Variants in GALC observed in about 807,000 individuals in gnomAD.
The protein encoded by GALC is galactosylceramidase, also known as galactocerebrosidase.
A neutral mutation model predicts 91.8 loss-of-function variants in GALC; 77 were observed. That is an observed-to-expected ratio of 0.84 (90% CI 0.70 to 1.01). The LOEUF is 1.01. Among genes scored for constraint, GALC ranks in the 50% least tolerant of loss-of-function variants. GALC has a pLI of 0.00. For missense variants in GALC, 882 were observed against 855.9 expected, an observed-to-expected ratio of 1.03 and a Z score of -0.38; for synonymous variants, 357 against 306.7, an observed-to-expected ratio of 1.16 and a Z score of -1.71.
At chr14:87,982,284 C>T (rs1886783665) in intron 5 of GALC, 41 bp from the exon 6 acceptor site, 2 of 1,373,048 alleles carry the variant, frequency 1.5e-6, no homozygotes, top group Non-Finnish European at 2.1e-6. Context: ...TTGAAAGTTA[C>T]AAAATGTCAG....
chr14:87,948,359 CT>C (rs1244112122), intron 12 of GALC, among the ~76,000 whole-genome samples: 1 of 152,038 alleles, frequency 6.6e-6, no homozygotes, highest in African/African-American at 2.4e-5. Flanking sequence ...TATATTTCAA[CT>C]AGCAAGTTAG....
chr14:87,986,947 TC>T (rs1567012937), intron 3 of GALC: 1 of 439,042 alleles, frequency 2.3e-6, no homozygotes, highest in Non-Finnish European at 4.4e-6. Context: ...AATCCCCATG[TC>T]CAACTTTAAG....
Position 87,941,531 on chromosome 14 carries a change from T to A in GALC, c.1698A>T (p.Val566=), listed in dbSNP as rs421466. The A allele has an allele frequency of 0.99, 1,573,515 of 1,588,716 alleles. 780,039 individuals carry two copies. The highest frequency in any genetic ancestry group is 1 in the Non-Finnish European group (1,157,008 of 1,157,526). ...CTCCTGTGTCAGGGGTCTCTATGTA[T>A]ACATCACACTTTATAGTCAGATTGG... ...NWTNLTIKCD[V]YIETPDTGGV... Residue 566 remains valine (V), a synonymous_variant, in exon 15 of 17, where the codon GTA becomes GTT. Coordinates refer to ENST00000261304, the MANE Select transcript of GALC (RefSeq NM_000153.4).
At chr14:87,982,458 T>C (rs1285200805) in intron 5 of GALC, among the ~76,000 whole-genome samples, 1 of 152,108 alleles carries the variant, frequency 6.6e-6, no homozygotes, top group African/African-American at 2.4e-5. Context: ...CCTTAAAATA[T>C]TTAGTGGGTA....
intron 1 of GALC, among the ~76,000 whole-genome samples, chr14:87,992,091 A>G (rs1887224025): frequency 6.6e-6 from 1 of 152,090 alleles, no homozygotes; most frequent in South Asian, 2.1e-4. Flanking sequence ...AGGGGGAAAA[A>G]AATTTCCCCT....
intron 10 of GALC, among the ~76,000 whole-genome samples, chr14:87,951,042 T>C (rs1184012397): frequency 2.0e-5 from 3 of 151,822 alleles, no homozygotes; most frequent in Non-Finnish European, 4.4e-5. Context: ...GTTATAACTG[T>C]TTTCCAACTA....
intron 10 of GALC, among the ~76,000 whole-genome samples, chr14:87,955,992 A>G (rs1885523945): frequency 6.6e-6 from 1 of 152,046 alleles, no homozygotes; most frequent in Non-Finnish European, 1.5e-5. Context: ...ACAGTTTAAA[A>G]AAAAAAATCT....
At chr14:87,952,271 TC>T (rs1471204073) in intron 10 of GALC, among the ~76,000 whole-genome samples, 1 of 151,758 alleles carries the variant, frequency 6.6e-6, no homozygotes, top group Non-Finnish European at 1.5e-5. Context: ...AACATACACT[TC>T]AACAATAAGA....
chr14:87,967,151 T>C (rs1566992122), intron 8 of GALC, among the ~76,000 whole-genome samples: 1 of 152,182 alleles, frequency 6.6e-6, no homozygotes, highest in Non-Finnish European at 1.5e-5. Flanking sequence ...GAAATATAGG[T>C]AAATGTGAGA....
chr14:87,978,122 G>A (rs890895085), intron 6 of GALC, among the ~76,000 whole-genome samples: 1 of 152,084 alleles, frequency 6.6e-6, no homozygotes, highest in African/African-American at 2.4e-5. Flanking sequence ...GCATGATATC[G>A]GCTCACTGCA....
intron 14 of GALC, among the ~76,000 whole-genome samples, chr14:87,944,817 T>A (rs538516041): frequency 6.6e-6 from 1 of 152,120 alleles, no homozygotes; most frequent in South Asian, 2.1e-4. Context: ...GTTTCCAAGC[T>A]TCGGATATGG....
At chr14:87,955,066 G>C in intron 10 of GALC, 1 of 1,340,074 alleles carries the variant, frequency 7.5e-7, no homozygotes, top group Non-Finnish European at 1.1e-6. Flanking sequence ...CTTGTCGGCA[G>C]TCAGCGCAGA....
Position 87,934,000 on chromosome 14 carries a change from C to T in GALC, c.*732G>A. 1 of 1,534,602 alleles carries T rather than the reference C, an allele frequency of 6.5e-7. No homozygotes were observed. The highest frequency in any genetic ancestry group is 8.7e-7 in the Non-Finnish European group (1 of 1,146,034). On this transcript the variant is annotated 3_prime_UTR_variant, in exon 17 of 17. Coordinates refer to ENST00000261304, the MANE Select transcript of GALC (RefSeq NM_000153.4). ...AGGTTTTCTTCCTTCTTCCAGCCAC[C>T]TGGAAAAACGTTCACAGAGAGTTAT... is the stretch of plus-strand genomic sequence containing the variant.
chr14:87,952,505 T>G, intron 10 of GALC: 2 of 661,104 alleles, frequency 3.0e-6, no homozygotes, highest in South Asian at 1.6e-5. Context: ...AATATCCTGT[T>G]GAGAACCACC....
chr14:87,981,846 A>C (rs1194325771), intron 6 of GALC, among the ~76,000 whole-genome samples: 1 of 149,196 alleles, frequency 6.7e-6, no homozygotes, highest in African/African-American at 2.6e-5. Flanking sequence ...AAGTTTTGAC[A>C]AAAGACAAAG....
At chr14:87,936,374 T>A (rs549315845) in intron 16 of GALC, among the ~76,000 whole-genome samples, 1 of 152,152 alleles carries the variant, frequency 6.6e-6, no homozygotes, top group East Asian at 1.9e-4. Flanking sequence ...GCCCTTTTTT[T>A]AATAAATAAA....
chr14:87,963,221 T>C (rs1885883370), intron 10 of GALC, 163 bp downstream of exon 10: 2 of 659,240 alleles, frequency 3.0e-6, no homozygotes, highest in Admixed American at 4.7e-5. Context: ...GTGTGCTATG[T>C]TTTACGACTC....
At chr14:87,954,923 ATGT>A (rs1483224479) in intron 10 of GALC, 2 of 1,543,256 alleles carry the variant, frequency 1.3e-6, no homozygotes, top group Non-Finnish European at 1.8e-6. Context: ...GGAAGACATG[ATGT>A]TTACATCCGT....
intron 1 of GALC, among the ~76,000 whole-genome samples, chr14:87,989,903 G>A (rs138697874): frequency 6.6e-6 from 1 of 152,250 alleles, no homozygotes; most frequent in East Asian, 1.9e-4. Context: ...TCCTAACCCT[G>A]ATACTTTATC....
Sources: allele counts gnomAD v4.1 joint callset (sites outside exome capture counted in the v4.1 genomes callset), GRCh38; gene constraint gnomAD v4.1.1; transcripts MANE v1.5; gene names NCBI Gene and HGNC (gene_info 2026-07-23, HGNC 2026-07-21).